RNGTT: variants seen among roughly 807,000 people sequenced by gnomAD.
RNGTT encodes the protein mRNA-capping enzyme.
A neutral mutation model predicts 79.3 loss-of-function variants in RNGTT; 33 were observed. The ratio of observed to expected loss-of-function variants is 0.42; its 90% CI spans 0.32 to 0.56. RNGTT has a LOEUF of 0.56. Among genes scored for constraint, RNGTT ranks in the 20% least tolerant of loss-of-function variants. The pLI is 0.17. For missense variants in RNGTT, 497 were observed against 739.1 expected (o/e 0.67, Z 3.80); for synonymous variants, 222 against 235.9 (o/e 0.94, Z 0.54).
intron 5 of RNGTT, 106 bp from the exon 6 acceptor site, chr6:88,905,061 G>A (rs1783608071): frequency 4.3e-6 from 6 of 1,394,286 alleles, no homozygotes; most frequent in Non-Finnish European, 5.8e-6. Flanking sequence ...TACAACAGAA[G>A]TTTATAAAAT....
intron 14 of RNGTT, among the ~76,000 whole-genome samples, chr6:88,619,921 T>C (rs897722991): frequency 6.6e-6 from 1 of 152,262 alleles, no homozygotes; most frequent in African/African-American, 2.4e-5. Flanking sequence ...TAAATAGCTT[T>C]AGTCTGAATT....
intron 14 of RNGTT, among the ~76,000 whole-genome samples, chr6:88,636,322 T>C (rs1186156565): frequency 1.3e-5 from 2 of 152,070 alleles, no homozygotes; most frequent in Admixed American, 6.6e-5. Context: ...AAGGCTGTTT[T>C]AGAGTAATTC....
At chr6:88,887,460 A>G (rs1782904428) in intron 8 of RNGTT, among the ~76,000 whole-genome samples, 1 of 152,178 alleles carries the variant, frequency 6.6e-6, no homozygotes, top group South Asian at 2.1e-4. Context: ...TAGATTTTAC[A>G]CTGGCCCAGA....
intron 8 of RNGTT, among the ~76,000 whole-genome samples, chr6:88,886,263 G>A (rs558411084): frequency 6.6e-5 from 10 of 152,026 alleles, no homozygotes; most frequent in Middle Eastern, 3.4e-3. Flanking sequence ...CAGAGATCGC[G>A]CCACTGTACT....
At chr6:88,725,828 G>A (rs1776879450) in intron 13 of RNGTT, among the ~76,000 whole-genome samples, 1 of 152,190 alleles carries the variant, frequency 6.6e-6, no homozygotes, top group African/African-American at 2.4e-5. Flanking sequence ...GGAAGGGGAA[G>A]GAGAGGGGAG....
At chr6:88,814,085 G>A (rs1190561928) in intron 11 of RNGTT, among the ~76,000 whole-genome samples, 1 of 151,834 alleles carries the variant, frequency 6.6e-6, no homozygotes, top group African/African-American at 2.4e-5. Flanking sequence ...TATCACAAGA[G>A]GTTTTATAAA....
intron 13 of RNGTT, among the ~76,000 whole-genome samples, chr6:88,758,884 A>AT (rs890100155): frequency 3.3e-5 from 5 of 152,024 alleles, no homozygotes; most frequent in African/African-American, 1.2e-4. Context: ...TTATTTATTT[A>AT]TTTTTTTATT....
intron 8 of RNGTT, among the ~76,000 whole-genome samples, chr6:88,889,180 A>C (rs944432586): frequency 2.0e-5 from 3 of 152,170 alleles, no homozygotes; most frequent in Non-Finnish European, 4.4e-5. Flanking sequence ...TTGTCAAATG[A>C]ATATGTCTTA....
intron 14 of RNGTT, among the ~76,000 whole-genome samples, chr6:88,635,693 A>G (rs551282283): frequency 6.6e-6 from 1 of 152,190 alleles, no homozygotes; most frequent in African/African-American, 2.4e-5. Flanking sequence ...AGATTCATAC[A>G]TTTGTTGAGT....
chr6:88,819,933 T>C lies in RNGTT; in HGVS notation c.1270-18301A>G, dbSNP rs141956860. Among the ~76,000 whole-genome samples the C allele has an allele frequency of 5.1e-3, 770 of 152,226 alleles. 5 individuals carry two copies. Among genetic ancestry groups the C allele is most frequent in the African/African-American group, 0.017 (714 of 41,554 alleles). On this transcript the variant is annotated intron_variant, in intron 11 of 15. Transcript: ENST00000369485. ...TTTCACCTACTAGGTAGGTGAAACA[T>C]TTCACGAACATTCTCAAAACCCTAT...
At chr6:88,922,653 A>G (rs9362588) in intron 4 of RNGTT, among the ~76,000 whole-genome samples, 51,915 of 151,646 alleles carry the variant, frequency 0.34, 10,702 homozygotes, top group African/African-American at 0.59. Context: ...TCAGCCTCCC[A>G]AGTAGCTGGG....
intron 8 of RNGTT, among the ~76,000 whole-genome samples, chr6:88,856,836 G>A (rs76645268): frequency 0.019 from 2,875 of 152,184 alleles, 82 homozygotes; most frequent in African/African-American, 0.065. Context: ...TTAAAAAGAA[G>A]CAACTACCTC....
At chr6:88,808,120 G>A (rs927053714) in intron 11 of RNGTT, among the ~76,000 whole-genome samples, 11 of 152,128 alleles carry the variant, frequency 7.2e-5, no homozygotes, top group Non-Finnish European at 2.9e-5. Context: ...CTGAAATAAT[G>A]AAGGGCATTG....
intron 13 of RNGTT, among the ~76,000 whole-genome samples, chr6:88,767,211 CT>C (rs1036166496): frequency 1.7e-4 from 26 of 151,970 alleles, no homozygotes; most frequent in African/African-American, 5.8e-4. Flanking sequence ...TGAAAATCAC[CT>C]TAGAGAAACA....
intron 14 of RNGTT, among the ~76,000 whole-genome samples, chr6:88,652,705 C>T (rs1236304816): frequency 2.0e-5 from 3 of 152,042 alleles, no homozygotes; most frequent in Admixed American, 6.6e-5. Context: ...TCTTGTTTTG[C>T]TTGGGGTTGT....
In RNGTT at chr6:88,962,956, G is replaced by A. The variant is rs960396419; in HGVS notation, c.64+390C>T. Among the ~76,000 whole-genome samples the A allele has an allele frequency of 6.5e-4, 99 of 151,364 alleles. 1 individual carries two copies. The highest frequency in any genetic ancestry group is 2.4e-3 in the African/African-American group (98 of 40,942). ...TGACCCCATTTCACCGCTGGGAACC[G>A]CCCCTTCCCTCCTTAACCCTCCTCC... On this transcript the variant is annotated intron_variant, in intron 1 of 15. Transcript: ENST00000369485.
intron 8 of RNGTT, 135 bp downstream of exon 8, chr6:88,890,360 A>G (rs750742243): frequency 1.6e-6 from 1 of 614,204 alleles, no homozygotes; most frequent in South Asian, 2.3e-5. Context: ...CCAAAAATAT[A>G]TAATTTTTGA....
At chr6:88,903,104 C>T (rs944768444) in intron 6 of RNGTT, among the ~76,000 whole-genome samples, 1 of 152,202 alleles carries the variant, frequency 6.6e-6, no homozygotes, top group Admixed American at 6.5e-5. Context: ...AAGAAAGGAA[C>T]ATACCACTAG....
rs1379309042 is a variant in RNGTT, at chr6:88,836,855, T to C, written c.1269+7502A>G. 2.6e-5 allele frequency among the ~76,000 whole-genome samples: 4 copies of C among 152,006 alleles called. No homozygotes were observed. The South Asian group carries it at 6.2e-4, about 24-fold the overall frequency. On this transcript the variant is annotated intron_variant, in intron 11 of 15. Coordinates refer to ENST00000369485, the MANE Select transcript of RNGTT (RefSeq NM_003800.5). ...TAAATAGCTATCACATTTTTAAAAA[T>C]CAGTTCTCAACTTCTTGGCTAAGAT...
Sources: allele counts gnomAD v4.1 joint callset (sites outside exome capture counted in the v4.1 genomes callset), GRCh38; gene constraint gnomAD v4.1.1; transcripts MANE v1.5; gene names NCBI Gene and HGNC (gene_info 2026-07-23, HGNC 2026-07-21).